Variants in PRKCE observed in about 807,000 individuals in gnomAD.
PRKCE encodes the protein protein kinase C epsilon type.
PRKCE carries 16 observed loss-of-function variants against 85.4 expected under a neutral mutation model. The observed-to-expected ratio is 0.19, with a 90% CI of 0.13 to 0.28. PRKCE has a LOEUF of 0.28. PRKCE is among the 10% of genes least tolerant of loss of function. PRKCE has a pLI of 1.00. For synonymous variants in PRKCE, 388 were observed against 371.5 expected (o/e 1.04, Z -0.51); for missense variants, 573 against 975.2 (o/e 0.59, Z 5.49).
At chr2:45,893,446 CA>C (rs1695892129) in intron 2 of PRKCE, among the ~76,000 whole-genome samples, 1 of 151,544 alleles carries the variant, frequency 6.6e-6, no homozygotes, top group Non-Finnish European at 1.5e-5. Context: ...CGGCTCACTG[CA>C]ACCTCTGCCT....
rs148410225 is a variant in PRKCE at position 45,740,066 on chromosome 2, C to T, written c.348+87618C>T. Among the ~76,000 whole-genome samples, 684 of 151,002 alleles carry T rather than the reference C, an allele frequency of 4.5e-3. 6 individuals carry two copies. Among genetic ancestry groups the T allele is most frequent in the African/African-American group, 0.016 (658 of 40,972 alleles). ...GCATGGTGGCTTGTGCCTATAGCCCCAACTACCTGGGAGGCTGAGGCTGGG... is the reference window on the plus strand; with the variant it reads ...GCATGGTGGCTTGTGCCTATAGCCCTAACTACCTGGGAGGCTGAGGCTGGG... On this transcript the variant is annotated intron_variant, in intron 1 of 14. Transcript: ENST00000306156.
At chr2:45,926,408 G>C (rs1249190522) in intron 2 of PRKCE, among the ~76,000 whole-genome samples, 1 of 152,210 alleles carries the variant, frequency 6.6e-6, no homozygotes, top group African/African-American at 2.4e-5. Flanking sequence ...AAATCAGTGA[G>C]TTAGGTGAGT....
chr2:46,010,915 C>G, intron 10 of PRKCE: 1 of 1,451,362 alleles, frequency 6.9e-7, no homozygotes, highest in Non-Finnish European at 9.0e-7. Context: ...CCACCTTAAT[C>G]TCTTCTAATC....
In PRKCE at chr2:45,905,278, A is replaced by C. The variant is rs1165244797; in HGVS notation, c.412+62215A>C. The stretch of plus-strand genomic sequence containing the variant: ...CGCTAACCCAGTTTTGGAATCTGGT[A>C]GTGGGAAAACAGGGAAGCTCCAAAA... On this transcript the variant is annotated intron_variant, in intron 2 of 14. Transcript: ENST00000306156. The surrounding 1 kb of genome is among the most constrained non-coding windows in gnomAD (Gnocchi z 4.4). Among the ~76,000 whole-genome samples, 2 of 152,190 alleles carry C rather than the reference A, an allele frequency of 1.3e-5. No homozygotes were observed. Among genetic ancestry groups the C allele is most frequent in the Non-Finnish European group, 2.9e-5 (2 of 68,028 alleles).
In PRKCE at chr2:46,004,535, T is replaced by G; in HGVS notation, c.967-7T>G. 1 of 1,572,476 alleles carries G rather than the reference T, an allele frequency of 6.4e-7. No homozygotes were observed. The highest frequency in any genetic ancestry group is 8.6e-7 in the Non-Finnish European group (1 of 1,165,354). On this transcript the variant is annotated splice_polypyrimidine_tract_variant and splice_region_variant and intron_variant, in intron 7 of 14. Coordinates refer to ENST00000306156, the MANE Select transcript of PRKCE (RefSeq NM_005400.3). The surrounding 1 kb of genome is among the most constrained non-coding windows in gnomAD (Gnocchi z 4.1). Reference sequence around the variant, plus strand: ...ATGCCTCTGTCCCTGCTTTCTCTCCTCTCTAGCTCATTGCTGGTGCCGAGT... The same window carrying G: ...ATGCCTCTGTCCCTGCTTTCTCTCCGCTCTAGCTCATTGCTGGTGCCGAGT...
At chr2:45,912,990 G>A (rs1697493498) in intron 2 of PRKCE, among the ~76,000 whole-genome samples, 2 of 152,152 alleles carry the variant, frequency 1.3e-5, no homozygotes, top group Admixed American at 6.5e-5. Context: ...GGAACTGGTG[G>A]TCAGGAGTCA....
At position 45,786,580 on chromosome 2, in the gene PRKCE, G is replaced by A. The variant is rs1686617501; in HGVS notation, c.349-56420G>A. 6.6e-6 allele frequency among the ~76,000 whole-genome samples: 1 copy of A among 152,196 alleles called. No homozygotes were observed. The highest frequency in any genetic ancestry group is 6.5e-5 in the Admixed American group (1 of 15,278). ...CTAACAGGAACAGGACAGGCCTTAG[G>A]GGCCTTCAGACCTTGGCACTGGAGG... On this transcript the variant is annotated intron_variant, in intron 1 of 14. Transcript: ENST00000306156. This position sits in a 1 kb window ranked among gnomAD's most constrained non-coding sequence, Gnocchi z 5.3.
At chr2:45,677,950 T>G (rs564081097) in intron 1 of PRKCE, 1 of 909,146 alleles carries the variant, frequency 1.1e-6, no homozygotes, top group South Asian at 5.1e-5. Flanking sequence ...CCTGCCCTTT[T>G]GTCTGCCACT....
chr2:46,179,840 T>TC (rs1169978052), intron 14 of PRKCE, among the ~76,000 whole-genome samples: 1 of 151,132 alleles, frequency 6.6e-6, no homozygotes, highest in East Asian at 1.9e-4. Flanking sequence ...ACTACAGCCA[T>TC]CCCCCCCAAC....
At chr2:45,860,629 G>T (rs941879949) in intron 2 of PRKCE, among the ~76,000 whole-genome samples, 1 of 152,226 alleles carries the variant, frequency 6.6e-6, no homozygotes, top group Non-Finnish European at 1.5e-5. Flanking sequence ...GTGAGTGCTG[G>T]GGAGGGGGTG....
chr2:46,018,684 C>T (rs746976381), intron 10 of PRKCE, among the ~76,000 whole-genome samples: 3 of 152,252 alleles, frequency 2.0e-5, no homozygotes, highest in Admixed American at 6.5e-5. Context: ...ACTAACATTT[C>T]GATGTGTATC....
intron 11 of PRKCE, among the ~76,000 whole-genome samples, chr2:46,108,352 G>C (rs1671940921): frequency 6.6e-6 from 1 of 152,082 alleles, no homozygotes; most frequent in Non-Finnish European, 1.5e-5. Context: ...CATATCTTTT[G>C]CAGTAACACA....
chr2:46,135,775 A>G (rs200460923), intron 11 of PRKCE, among the ~76,000 whole-genome samples: 1 of 16,100 alleles, frequency 6.2e-5, no homozygotes, highest in African/African-American at 2.3e-4. Context: ...TTTTTTTTTA[A>G]TGTAGGGGAA....
At position 45,808,625 on chromosome 2, in the gene PRKCE, G is replaced by A. The variant is rs574707807; in HGVS notation, c.349-34375G>A. On this transcript the variant is annotated intron_variant, in intron 1 of 14. Transcript: ENST00000306156. ...GCTGCCAGGATCGGAGCCCCCTACC[G>A]TCTGGCACTGGGTTGGGTGGTGGGA... is the stretch of plus-strand genomic sequence containing the variant. 1.5e-3 allele frequency among the ~76,000 whole-genome samples: 233 copies of A among 152,286 alleles called. 1 individual carries two copies. Among genetic ancestry groups the A allele is most frequent in the African/African-American group, 5.0e-3 (209 of 41,554 alleles).
At chr2:45,998,587 T>C (rs1327824002) in intron 6 of PRKCE, among the ~76,000 whole-genome samples, 2 of 152,208 alleles carry the variant, frequency 1.3e-5, no homozygotes, top group African/African-American at 4.8e-5. Flanking sequence ...AGTTGGGTCT[T>C]GTTTTTTTTG....
intron 1 of PRKCE, among the ~76,000 whole-genome samples, chr2:45,824,890 A>G (rs1689819292): frequency 6.6e-6 from 1 of 152,164 alleles, no homozygotes; most frequent in South Asian, 2.1e-4. Flanking sequence ...GAATGGGCCA[A>G]CAATTTTGGT....
chr2:46,061,017 C>A (rs1477418053), intron 10 of PRKCE, among the ~76,000 whole-genome samples: 1 of 151,972 alleles, frequency 6.6e-6, no homozygotes, highest in African/African-American at 2.4e-5. Context: ...CCACCTCCAC[C>A]TCCCAAAGTG....
intron 1 of PRKCE, among the ~76,000 whole-genome samples, chr2:45,741,326 T>C (rs753232812): frequency 5.9e-5 from 9 of 152,206 alleles, no homozygotes; most frequent in Non-Finnish European, 1.3e-4. Context: ...CATGGTTGTT[T>C]ATAGTTTGCT....
chr2:46,152,148 C>A (rs1676698207), intron 13 of PRKCE, among the ~76,000 whole-genome samples: 1 of 152,012 alleles, frequency 6.6e-6, no homozygotes, highest in Admixed American at 6.6e-5. Context: ...TAATCAACTT[C>A]CAATATTTAC....
Sources: allele counts gnomAD v4.1 joint callset (sites outside exome capture counted in the v4.1 genomes callset), GRCh38; gene constraint gnomAD v4.1.1; non-coding constraint Gnocchi (gnomAD v3.1); transcripts MANE v1.5; gene names NCBI Gene and HGNC (gene_info 2026-07-23, HGNC 2026-07-21).